SYT16: variants seen among roughly 807,000 people sequenced by gnomAD.
The protein encoded by SYT16 is synaptotagmin 16.
SYT16 carries 42 observed loss-of-function variants against 61.4 expected under a neutral mutation model. The observed-to-expected ratio is 0.68, with a 90% confidence interval of 0.53 to 0.89. SYT16 has a LOEUF of 0.89. Among genes scored for constraint, SYT16 ranks in the 40% least tolerant of loss-of-function variants. The probability of loss-of-function intolerance (pLI) is 0.00; values close to 1 mark genes in which losing one functional copy is unlikely to be tolerated. For synonymous variants in SYT16, 314 were observed against 302.3 expected (o/e 1.04, Z -0.40); for missense variants, 804 against 807.3 (o/e 1.00, Z 0.05).
At chr14:61,938,952 T>C (rs542735302) in intron 1 of SYT16, among the ~76,000 whole-genome samples, 3 of 152,064 alleles carry the variant, frequency 2.0e-5, no homozygotes, top group Non-Finnish European at 2.9e-5. Context: ...CTGGCCAGCA[T>C]GGTGAAACCT....
chr14:62,095,210 C>T (rs1326842542), intron 7 of SYT16, among the ~76,000 whole-genome samples: 1 of 151,992 alleles, frequency 6.6e-6, no homozygotes, highest in Admixed American at 6.6e-5. Context: ...ATTCTTAATC[C>T]TCAAATCCCT....
chr14:61,879,742 T>A (rs2047630475), intron 1 of SYT16, among the ~76,000 whole-genome samples: 1 of 152,214 alleles, frequency 6.6e-6, no homozygotes, highest in African/African-American at 2.4e-5. Flanking sequence ...TTTCACATTA[T>A]ATCATTTAAG....
chr14:61,908,121 C>T (rs979121220), intron 1 of SYT16, among the ~76,000 whole-genome samples: 7 of 152,234 alleles, frequency 4.6e-5, no homozygotes, highest in Admixed American at 3.3e-4. Flanking sequence ...CCTTTAAAGG[C>T]TGCTGTTTAC....
chr14:61,958,175 T>A (rs983390958), intron 1 of SYT16, among the ~76,000 whole-genome samples: 2 of 151,798 alleles, frequency 1.3e-5, no homozygotes, highest in Non-Finnish European at 2.9e-5. Context: ...CTTTTTTTTC[T>A]TAATTCAGCT....
At chr14:61,883,646 C>G (rs1160624618) in intron 1 of SYT16, among the ~76,000 whole-genome samples, 2 of 152,192 alleles carry the variant, frequency 1.3e-5, no homozygotes, top group Admixed American at 6.5e-5. Flanking sequence ...TGCCTGTTAT[C>G]CAGTTCCAAA....
intron 3 of SYT16, among the ~76,000 whole-genome samples, chr14:62,021,197 C>T (rs1351898336): frequency 6.6e-6 from 1 of 152,152 alleles, no homozygotes; most frequent in Non-Finnish European, 1.5e-5. Flanking sequence ...CACAATCACT[C>T]CAGAAGGCAA....
intron 1 of SYT16, among the ~76,000 whole-genome samples, chr14:61,961,620 A>T (rs1449372896): frequency 3.9e-5 from 6 of 152,166 alleles, no homozygotes; most frequent in African/African-American, 1.4e-4. Flanking sequence ...AAAATAACAG[A>T]TGCTGGCAAG....
At chr14:61,928,474 C>T (rs531940519) in intron 1 of SYT16, among the ~76,000 whole-genome samples, 1 of 152,212 alleles carries the variant, frequency 6.6e-6, no homozygotes, top group Admixed American at 6.5e-5. Context: ...GTAAAGCTTC[C>T]TTTTTGTGTG....
intron 1 of SYT16, among the ~76,000 whole-genome samples, chr14:61,969,557 T>A (rs983689192): frequency 2.0e-5 from 3 of 152,206 alleles, no homozygotes; most frequent in African/African-American, 7.2e-5. Flanking sequence ...TTGCATTTCT[T>A]ATATGGATGG....
chr14:62,090,824 G>A lies in SYT16; in HGVS notation c.1624+6439G>A, dbSNP rs192180676. 1.8e-3 allele frequency among the ~76,000 whole-genome samples: 278 copies of A among 152,270 alleles called. 2 individuals are homozygous for A. Among genetic ancestry groups the A allele is most frequent in the African/African-American group, 6.4e-3 (266 of 41,550 alleles). ...AGGTTTAGTGGACTCACAGTTCCAC[G>A]TGGCTAGGGAGGCCTCACAATCATG... On this transcript the variant is annotated intron_variant, in intron 7 of 7. Coordinates refer to ENST00000683842, the MANE Select transcript of SYT16 (RefSeq NM_001367656.1).
At chr14:61,827,367 G>C (rs1406200866) in intron 1 of SYT16, among the ~76,000 whole-genome samples, 1 of 152,172 alleles carries the variant, frequency 6.6e-6, no homozygotes, top group Non-Finnish European at 1.5e-5. Context: ...AAGAAAGATG[G>C]TGAGACTTAG....
chr14:62,059,822 T>A (rs1404427597), intron 3 of SYT16, among the ~76,000 whole-genome samples: 2 of 150,052 alleles, frequency 1.3e-5, no homozygotes, highest in African/African-American at 2.4e-5. Flanking sequence ...ATAGAAGGGT[T>A]GATGTTTCTT....
At chr14:61,857,303 C>T (rs776712987) in intron 1 of SYT16, among the ~76,000 whole-genome samples, 2 of 152,164 alleles carry the variant, frequency 1.3e-5, no homozygotes, top group Non-Finnish European at 2.9e-5. Flanking sequence ...TTTGCAAGCT[C>T]TTGTGGGAGA....
At position 62,044,201 on chromosome 14, in the gene SYT16, G is replaced by GAAAA. The variant is rs201971671; in HGVS notation, c.524-25392_524-25389dup. Among the ~76,000 whole-genome samples, 451 of 138,396 alleles carry GAAAA rather than the reference G, an allele frequency of 3.3e-3. 6 individuals are homozygous for GAAAA. Among genetic ancestry groups the GAAAA allele is most frequent in the Middle Eastern group, 3.6e-3 (1 of 276 alleles). 90.8% of individuals were successfully genotyped at this position (138,396 alleles called of 152,430 possible). A position where few individuals can be genotyped will look rare whatever the true frequency, so the allele number is the denominator to read the frequency against. The stretch of plus-strand genomic sequence containing the variant: ...GGTGACAGAGCAAGACCCTGTCTTT[G>GAAAA]AAAAAAAAAAAAATAGGAAACGAAA... On this transcript the variant is annotated intron_variant, in intron 3 of 7. Coordinates refer to ENST00000683842, the MANE Select transcript of SYT16 (RefSeq NM_001367656.1).
intron 1 of SYT16, among the ~76,000 whole-genome samples, chr14:61,841,074 G>T (rs2046288015): frequency 6.6e-6 from 1 of 152,166 alleles, no homozygotes; most frequent in Non-Finnish European, 1.5e-5. Flanking sequence ...AATTTGGCTT[G>T]CTTGAGGACC....
intron 1 of SYT16, among the ~76,000 whole-genome samples, chr14:61,878,042 T>G (rs1000853571): frequency 2.6e-5 from 4 of 152,062 alleles, no homozygotes; most frequent in African/African-American, 9.7e-5. Context: ...TTGGGGTGTA[T>G]GAACACTGAT....
chr14:61,925,250 G>C (rs948742238), intron 1 of SYT16, among the ~76,000 whole-genome samples: 3 of 152,112 alleles, frequency 2.0e-5, no homozygotes, highest in Non-Finnish European at 4.4e-5. Context: ...CCTCCTTTCA[G>C]CTATTTACAC....
At chr14:62,049,814 G>C (rs2055185168) in intron 3 of SYT16, among the ~76,000 whole-genome samples, 1 of 152,190 alleles carries the variant, frequency 6.6e-6, no homozygotes, top group Non-Finnish European at 1.5e-5. Context: ...CTCTCTTCTG[G>C]CTTGTAGAGT....
intron 1 of SYT16, among the ~76,000 whole-genome samples, chr14:61,900,042 C>T (rs895417658): frequency 1.1e-4 from 16 of 152,150 alleles, no homozygotes; most frequent in African/African-American, 3.9e-4. Flanking sequence ...ATTAATACAA[C>T]CAGACTTCAA....
Sources: gnomAD v4.1 joint callset for allele counts (sites outside exome capture counted in the v4.1 genomes callset) on GRCh38, gnomAD v4.1.1 for gene constraint, MANE v1.5 for transcripts, NCBI Gene and HGNC (gene_info 2026-07-23, HGNC 2026-07-21) for gene names.